Variants in DPM1 observed in about 807,000 individuals in gnomAD.
The protein encoded by DPM1 is dolichyl-phosphate mannosyltransferase subunit 1, catalytic, also known as dolichol-phosphate mannosyltransferase subunit 1.
Under a neutral mutation model 39.0 loss-of-function variants are expected in DPM1, and 27 were observed. The observed-to-expected ratio is 0.69, with a 90% CI of 0.51 to 0.95. The LOEUF (loss-of-function observed/expected upper bound fraction) is 0.95. Ranked by LOEUF, DPM1 falls within the 40% of genes least tolerant of loss-of-function variation. The pLI is 0.00. For missense variants in DPM1, 307 were observed against 315.6 expected, an observed-to-expected ratio of 0.97 and a Z score of 0.21; for synonymous variants, 124 against 109.0, an observed-to-expected ratio of 1.14 and a Z score of -0.86.
intron 2 of DPM1, among the ~76,000 whole-genome samples, chr20:50,950,860 C>G (rs1211744290): frequency 6.6e-6 from 1 of 151,180 alleles, no homozygotes; most frequent in East Asian, 1.9e-4. Flanking sequence ...CACAGTGAGA[C>G]TCCGTCTCAA....
rs764790771 is a variant in DPM1, at chr20:50,935,107, G to A, written c.*25C>T. 3.8e-6 allele frequency: 5 copies of A among 1,306,898 alleles called. No individual in the cohort carries two copies. Among genetic ancestry groups the A allele is most frequent in the African/African-American group, 1.5e-5 (1 of 68,888 alleles). The allele number at this position is 1,306,898 out of a possible 1,614,324, so 81.0% of individuals were successfully genotyped here. On this transcript the variant is annotated 3_prime_UTR_variant, in exon 9 of 9. Transcript: ENST00000371588. ...CTTTCATGTTTAACCTGAAATGAAC[G>A]TAACTATAAATGAGTATCTTTCTTT...
At position 50,951,177 on chromosome 20, in the gene DPM1, G is replaced by A. The variant is rs1986555610; in HGVS notation, c.262-2515C>T. Among the ~76,000 whole-genome samples, 4 of 152,148 alleles carry A rather than the reference G, an allele frequency of 2.6e-5. No homozygotes were observed. In the South Asian group the frequency reaches 8.3e-4, roughly 32 times the overall value. On this transcript the variant is annotated intron_variant, in intron 2 of 8. Coordinates refer to ENST00000371588, the MANE Select transcript of DPM1 (RefSeq NM_003859.3). ...TACTGTACTTACCTCTTTTCAGACT[G>A]CAGGTAACAAATCACGGAAAGCAAA...
intron 5 of DPM1, 104 bp from the exon 6 acceptor site, chr20:50,942,230 G>GAGCCACTGCACCCAGCCTGTGTC: frequency 9.8e-7 from 1 of 1,022,278 alleles, no homozygotes; most frequent in Non-Finnish European, 1.5e-6. Context: ...GACACAGGCT[G>GAGCCACTGCACCCAGCCTGTGTC]GGTGCAGTGG....
At chr20:50,956,794 A>C (rs1238232063) in intron 1 of DPM1, among the ~76,000 whole-genome samples, 1 of 152,172 alleles carries the variant, frequency 6.6e-6, no homozygotes, top group Non-Finnish European at 1.5e-5. Context: ...TCCATAAACA[A>C]AATGGGGTCG....
intron 2 of DPM1, among the ~76,000 whole-genome samples, chr20:50,948,933 T>C (rs1246033185): frequency 1.3e-5 from 2 of 152,018 alleles, no homozygotes; most frequent in African/African-American, 4.8e-5. Flanking sequence ...TGATCTCCGC[T>C]CACTGCAACC....
rs990724988 is a variant in DPM1 at position 50,936,089 on chromosome 20, C to T, written c.678+59G>A. ...AGTTAAACTTTTTATTATAAAAATT[C>T]TAAACCTTACTGCTCCTTTACCAGG... On this transcript the variant is annotated intron_variant, in intron 8 of 8. Transcript: ENST00000371588. 4 of 1,272,046 alleles carry T rather than the reference C, an allele frequency of 3.1e-6. No homozygotes were observed. In the African/African-American group the frequency reaches 5.9e-5, roughly 19 times the overall value. 78.8% of individuals were successfully genotyped at this position (1,272,046 alleles called of 1,614,324 possible). A position where few individuals can be genotyped will look rare whatever the true frequency, so the allele number is the denominator to read the frequency against.
At chr20:50,942,633 T>A (rs1418990305) in intron 5 of DPM1, among the ~76,000 whole-genome samples, 1 of 152,120 alleles carries the variant, frequency 6.6e-6, no homozygotes, top group Non-Finnish European at 1.5e-5. Flanking sequence ...TGTGCCACTG[T>A]ACTCCAGCCT....
At chr20:50,949,650 C>G (rs1986476044) in intron 2 of DPM1, among the ~76,000 whole-genome samples, 1 of 152,166 alleles carries the variant, frequency 6.6e-6, no homozygotes, top group Non-Finnish European at 1.5e-5. Context: ...TTCAGGGAGA[C>G]TCATTAGTGA....
At chr20:50,937,076 C>G (rs1325739489) in intron 7 of DPM1, among the ~76,000 whole-genome samples, 2 of 148,084 alleles carry the variant, frequency 1.4e-5, no homozygotes, top group Non-Finnish European at 3.0e-5. Context: ...ATCAGTGTCT[C>G]AGTTCATAGG....
chr20:50,948,764 G>A, intron 2 of DPM1, 102 bp from the exon 3 acceptor site: 3 of 1,061,650 alleles, frequency 2.8e-6, no homozygotes, highest in Non-Finnish European at 4.4e-6. Flanking sequence ...TAGAAATATA[G>A]TTGCACTTGT....
At chr20:50,945,284 T>G (rs74520984) in intron 5 of DPM1, 85 of 157,092 alleles carry the variant, frequency 5.4e-4, no homozygotes, top group East Asian at 2.0e-3. Context: ...CAAATGTGTG[T>G]TGTGTGTGTG....
rs1453515704 is a variant in DPM1, at chr20:50,936,236, T to G, written c.590A>C (p.Lys197Thr). The G allele has an allele frequency of 6.2e-7, 1 of 1,611,674 alleles. No individual in the cohort carries two copies. The highest frequency in any genetic ancestry group is 2.2e-5 in the East Asian group (1 of 44,804). Residue 197 changes from lysine (K) to threonine (T), a missense_variant, in exon 8 of 9, where the codon AAA becomes ACA. Transcript: ENST00000371588. ...TTTAGAAACACATTTTTCTATTAAT[T>G]TCTCTAGAACTTCTTTTCGGTATAA... is the stretch of plus-strand genomic sequence containing the variant. ...FRLYRKEVLEKLIEKCVSKGY... is the reference protein window; with the variant it reads ...FRLYRKEVLETLIEKCVSKGY...
At chr20:50,950,496 C>T (rs541331847) in intron 2 of DPM1, among the ~76,000 whole-genome samples, 23 of 152,196 alleles carry the variant, frequency 1.5e-4, no homozygotes, top group African/African-American at 5.3e-4. Context: ...CTGGTATCTG[C>T]CCTGAAAAAG....
intron 2 of DPM1, among the ~76,000 whole-genome samples, chr20:50,954,886 C>T (rs898995125): frequency 7.9e-5 from 12 of 152,128 alleles, no homozygotes; most frequent in Non-Finnish European, 1.6e-4. Flanking sequence ...TATAATATTC[C>T]TTGTCAATTC....
At chr20:50,939,705 T>C (rs1985544374) in intron 7 of DPM1, among the ~76,000 whole-genome samples, 1 of 152,142 alleles carries the variant, frequency 6.6e-6, no homozygotes, top group African/African-American at 2.4e-5. Flanking sequence ...CCTCTGCCTC[T>C]GGGTCTCAAG....
chr20:50,948,921 C>T (rs190476095), intron 2 of DPM1, among the ~76,000 whole-genome samples: 1 of 151,570 alleles, frequency 6.6e-6, no homozygotes, highest in Admixed American at 6.6e-5. Context: ...AGTACAGTGG[C>T]GTGATCTCCG....
chr20:50,946,847 G>A (rs1483705747), intron 3 of DPM1, among the ~76,000 whole-genome samples: 1 of 152,174 alleles, frequency 6.6e-6, no homozygotes, highest in Non-Finnish European at 1.5e-5. Flanking sequence ...TGAGATGGGT[G>A]GATCACTGGA....
intron 7 of DPM1, among the ~76,000 whole-genome samples, chr20:50,936,823 G>A (rs1985201023): frequency 1.3e-5 from 2 of 152,142 alleles, no homozygotes; most frequent in Non-Finnish European, 2.9e-5. Flanking sequence ...ACAGGAACGA[G>A]GCATCACAGG....
chr20:50,955,573 G>A (rs1230484431), intron 1 of DPM1, among the ~76,000 whole-genome samples: 2 of 152,120 alleles, frequency 1.3e-5, no homozygotes, highest in Admixed American at 1.3e-4. Flanking sequence ...TGTATCATAT[G>A]AATTTTTTTT....
Sources: allele counts gnomAD v4.1 joint callset (sites outside exome capture counted in the v4.1 genomes callset), GRCh38; gene constraint gnomAD v4.1.1; transcripts MANE v1.5; gene names NCBI Gene and HGNC (gene_info 2026-07-23, HGNC 2026-07-21).